MBOAT2: variants seen among roughly 807,000 people sequenced by gnomAD.
MBOAT2 encodes membrane-bound glycerophospholipid O-acyltransferase 2.
Under a neutral mutation model 63.4 loss-of-function variants are expected in MBOAT2, and 28 were observed. The observed-to-expected ratio is 0.44, with a 90% CI of 0.33 to 0.61. The LOEUF (loss-of-function observed/expected upper bound fraction) is 0.61, where lower values mean the gene tolerates loss of function less well. MBOAT2 is among the 20% of genes least tolerant of loss of function. The pLI, the probability that MBOAT2 is intolerant of heterozygous loss-of-function variation, is 0.03. For synonymous variants in MBOAT2, 211 were observed against 215.6 expected, an observed-to-expected ratio of 0.98 and a Z score of 0.19; for missense variants, 470 against 605.8, an observed-to-expected ratio of 0.78 and a Z score of 2.35.
At chr2:8,946,090 G>C (rs1469797750) in intron 2 of MBOAT2, among the ~76,000 whole-genome samples, 1 of 152,224 alleles carries the variant, frequency 6.6e-6, no homozygotes, top group Non-Finnish European at 1.5e-5. Context: ...CTGGATGATG[G>C]TAATAACAGA....
At chr2:8,919,685 G>A (rs1481315315) in intron 3 of MBOAT2, among the ~76,000 whole-genome samples, 1 of 152,002 alleles carries the variant, frequency 6.6e-6, no homozygotes, top group East Asian at 1.9e-4. Flanking sequence ...TTTCCTTAAA[G>A]GTGTCTTTTG....
intron 4 of MBOAT2, 142 bp from the exon 5 acceptor site, chr2:8,888,215 A>G: frequency 1.4e-6 from 1 of 707,192 alleles, no homozygotes; most frequent in Non-Finnish European, 2.4e-6. Flanking sequence ...AAGGGATTTC[A>G]GCAATAACTC....
At chr2:9,000,501 G>A (rs1672606886) in intron 1 of MBOAT2, among the ~76,000 whole-genome samples, 1 of 152,212 alleles carries the variant, frequency 6.6e-6, no homozygotes, top group African/African-American at 2.4e-5. Flanking sequence ...GTTAAGGCTT[G>A]TGTGGTATTA....
chr2:8,902,765 G>C (rs1463724292), intron 4 of MBOAT2, among the ~76,000 whole-genome samples: 2 of 152,222 alleles, frequency 1.3e-5, no homozygotes, highest in Non-Finnish European at 2.9e-5. Flanking sequence ...AGTGTTAACA[G>C]CTCATAAAGG....
intron 3 of MBOAT2, among the ~76,000 whole-genome samples, chr2:8,921,304 A>G (rs1019777776): frequency 3.9e-5 from 6 of 152,214 alleles, no homozygotes; most frequent in African/African-American, 1.4e-4. Flanking sequence ...TCTATTTCAG[A>G]TTAATACTGA....
chr2:8,959,988 A>G (rs2103279010), intron 1 of MBOAT2, among the ~76,000 whole-genome samples: 1 of 152,350 alleles, frequency 6.6e-6, no homozygotes, highest in Non-Finnish European at 1.5e-5. Flanking sequence ...AAAGACACAG[A>G]CAAGTATGTT....
In MBOAT2 at chr2:8,858,580, G is replaced by A. The variant is rs1661268627; in HGVS notation, c.*99C>T. 1 of 864,790 alleles carries A rather than the reference G, an allele frequency of 1.2e-6. No homozygotes were observed. Among genetic ancestry groups the A allele is most frequent in the Non-Finnish European group, 1.8e-6 (1 of 561,216 alleles). 53.6% of individuals were successfully genotyped at this position (864,790 alleles called of 1,614,324 possible). On this transcript the variant is annotated 3_prime_UTR_variant, in exon 13 of 13. Transcript: ENST00000305997. ...ATCTATAACTGTCCATTTCCCCCCA[G>A]TTAACTGCTTTTCCAACAAACTCAA...
chr2:8,952,953 A>C (rs1156555997), intron 2 of MBOAT2, among the ~76,000 whole-genome samples: 2 of 152,278 alleles, frequency 1.3e-5, no homozygotes, highest in East Asian at 3.9e-4. Flanking sequence ...TAAGTGGAGC[A>C]TGTAGGTCAT....
At chr2:8,865,921 C>T (rs1661849643) in intron 9 of MBOAT2, among the ~76,000 whole-genome samples, 1 of 152,148 alleles carries the variant, frequency 6.6e-6, no homozygotes, top group Non-Finnish European at 1.5e-5. Context: ...CCTGGAATCC[C>T]AGTTACTCAG....
At chr2:8,879,055 G>A (rs902032388) in intron 6 of MBOAT2, among the ~76,000 whole-genome samples, 5 of 136,422 alleles carry the variant, frequency 3.7e-5, no homozygotes, top group African/African-American at 5.6e-5. Context: ...CAGCCTGGGC[G>A]ACAGAGCGAG....
chr2:8,991,934 C>T (rs1487609133), intron 1 of MBOAT2, among the ~76,000 whole-genome samples: 1 of 152,172 alleles, frequency 6.6e-6, no homozygotes, highest in African/African-American at 2.4e-5. Context: ...ATGCTGTCCA[C>T]ACCTCAGAAA....
At chr2:8,968,083 C>T (rs1670133691) in intron 1 of MBOAT2, among the ~76,000 whole-genome samples, 1 of 152,036 alleles carries the variant, frequency 6.6e-6, no homozygotes, top group Non-Finnish European at 1.5e-5. Flanking sequence ...ACTGCCTCCT[C>T]AAGTGGGTCC....
rs60972399 is a variant in MBOAT2, at chr2:8,991,911, C to T, written c.75+11629G>A. Among the ~76,000 whole-genome samples, 1,081 of 152,298 alleles carry T rather than the reference C, an allele frequency of 7.1e-3. 40 individuals are homozygous for T. The highest frequency in any genetic ancestry group is 0.032 in the East Asian group (164 of 5,184). ...GCTTTCCCTTTAGCCTGGGAATGGG[C>T]TTTCAGACGGTCATGCTGTCCACAC... On this transcript the variant is annotated intron_variant, in intron 1 of 12. Transcript: ENST00000305997.
At chr2:8,954,633 G>T (rs895318846) in intron 2 of MBOAT2, among the ~76,000 whole-genome samples, 5 of 152,196 alleles carry the variant, frequency 3.3e-5, no homozygotes, top group Non-Finnish European at 7.3e-5. Flanking sequence ...TTGGAAATCT[G>T]CCTGGGCATG....
At position 9,003,571 on chromosome 2, in the gene MBOAT2, A is replaced by G; in HGVS notation, c.44T>C (p.Leu15Pro). Residue 15 changes from leucine (L) to proline (P), a missense_variant, in exon 1 of 13, where the codon CTC becomes CCC. Leu to Pro is a moderately conservative substitution (Grantham distance 98). Around this residue, in one of 3 missense-constraint regions of MBOAT2, gnomAD observed 376 missense variants for 503.8 expected, o/e 0.75. Transcript: ENST00000305997. The surrounding 1 kb of genome is among the most constrained non-coding windows in gnomAD (Gnocchi z 5.4). Reference sequence around the variant, plus strand: ...GATGGGCAGCTGCACGGCGTTGCTGAGGGGCTGCAGCAGGGTGGAGCCCGT... The same window carrying G: ...GATGGGCAGCTGCACGGCGTTGCTGGGGGGCTGCAGCAGGGTGGAGCCCGT... ...STTGSTLLQPLSNAVQLPIDQ... is the reference protein window; with the variant it reads ...STTGSTLLQPPSNAVQLPIDQ... 1 of 1,231,096 alleles carries G rather than the reference A, an allele frequency of 8.1e-7. No individual in the cohort carries two copies. Among genetic ancestry groups the G allele is most frequent in the Non-Finnish European group, 1.0e-6 (1 of 980,772 alleles). 76.3% of individuals were successfully genotyped at this position (1,231,096 alleles called of 1,614,324 possible).
At chr2:8,875,602 G>C (rs1421840397) in intron 7 of MBOAT2, among the ~76,000 whole-genome samples, 4 of 152,220 alleles carry the variant, frequency 2.6e-5, no homozygotes, top group Non-Finnish European at 5.9e-5. Context: ...GTGCCGAAAT[G>C]ATGAGCCAAA....
At chr2:8,866,062 A>C (rs536722726) in intron 9 of MBOAT2, among the ~76,000 whole-genome samples, 9 of 152,024 alleles carry the variant, frequency 5.9e-5, no homozygotes, top group African/African-American at 1.9e-4. Flanking sequence ...TAAATAAATA[A>C]AACCATAAAT....
At chr2:8,898,111 G>T (rs182549790) in intron 4 of MBOAT2, among the ~76,000 whole-genome samples, 14 of 152,316 alleles carry the variant, frequency 9.2e-5, no homozygotes, top group African/African-American at 3.4e-4. Flanking sequence ...GTTGTCCCAC[G>T]AGTCTGAGTA....
chr2:8,889,105 C>T (rs1663788787), intron 4 of MBOAT2, among the ~76,000 whole-genome samples: 2 of 152,168 alleles, frequency 1.3e-5, no homozygotes, highest in South Asian at 4.1e-4. Flanking sequence ...CGCAGCATCA[C>T]CCCATGCACT....
Sources: gnomAD v4.1 joint callset for allele counts (sites outside exome capture counted in the v4.1 genomes callset) on GRCh38, gnomAD v4.1.1 for gene constraint, gnomAD v4.1.1 regional missense constraint, Gnocchi (gnomAD v3.1) non-coding constraint, MANE v1.5 for transcripts, NCBI Gene and HGNC (gene_info 2026-07-23, HGNC 2026-07-21) for gene names.